COL5A1: variants seen among roughly 807,000 people sequenced by gnomAD.
The protein encoded by COL5A1 is collagen type V alpha 1 chain.
A neutral mutation model predicts 263.7 loss-of-function variants in COL5A1; 16 were observed. The observed-to-expected ratio is 0.06, with a 90% confidence interval of 0.04 to 0.09. COL5A1 has a LOEUF of 0.09. Ranked by LOEUF, COL5A1 falls within the 10% of genes least tolerant of loss-of-function variation. The pLI, the probability that COL5A1 is intolerant of heterozygous loss-of-function variation, is 1.00. For missense variants in COL5A1, 2,036 were observed against 2,540.5 expected, an observed-to-expected ratio of 0.80 and a Z score of 4.27; for synonymous variants, 1,012 against 1,004.5, an observed-to-expected ratio of 1.01 and a Z score of -0.14.
chr9:134,760,184 CA>C (rs1836281087), intron 18 of COL5A1, among the ~76,000 whole-genome samples: 1 of 102,746 alleles, frequency 9.7e-6, no homozygotes, highest in African/African-American at 5.6e-5. Flanking sequence ...CACACACATA[CA>C]CCCCCACACC....
chr9:134,698,429 T>TGG (rs5901050), intron 2 of COL5A1, among the ~76,000 whole-genome samples: 4,327 of 152,352 alleles, frequency 0.028, 222 homozygotes, highest in African/African-American at 0.099. Flanking sequence ...ACGCAGGCTC[T>TGG]GGGTTGGCCT....
In COL5A1 at chr9:134,678,255, G is replaced by T. The variant is rs142172315; in HGVS notation, c.110-12657G>T. The stretch of plus-strand genomic sequence containing the variant: ...GGGCAGCTTGCTCTACCTCTCTCAC[G>T]CTGAGTTTCCTCATGTACCAGTGAA... On this transcript the variant is annotated intron_variant, in intron 1 of 65. Coordinates refer to ENST00000371817, the MANE Select transcript of COL5A1 (RefSeq NM_000093.5). The surrounding 1 kb of genome is among the most constrained non-coding windows in gnomAD (Gnocchi z 5.5). Among the ~76,000 whole-genome samples the T allele has an allele frequency of 6.6e-6, 1 of 152,162 alleles. No homozygotes were observed. The highest frequency in any genetic ancestry group is 2.1e-4 in the South Asian group (1 of 4,834).
chr9:134,691,119 T>C lies in COL5A1; in HGVS notation c.277+40T>C, dbSNP rs751365353. ...CTTCTGTTTGGGGCGGTGGGTCCCG[T>C]TGGCCCTCTGGCCTCCAGCCAGGAG... is the stretch of plus-strand genomic sequence containing the variant. On this transcript the variant is annotated intron_variant, in intron 2 of 65. Coordinates refer to ENST00000371817, the MANE Select transcript of COL5A1 (RefSeq NM_000093.5). 6 of 1,609,974 alleles carry C rather than the reference T, an allele frequency of 3.7e-6. No homozygotes were observed. In the South Asian group the frequency reaches 4.4e-5, roughly 12 times the overall value.
rs555440024 is a variant in COL5A1 at position 134,839,155 on chromosome 9, C to T, written c.5371-3002C>T. Among the ~76,000 whole-genome samples the T allele has an allele frequency of 8.5e-5, 13 of 152,320 alleles. No homozygotes were observed. The South Asian group carries it at 2.7e-3, about 32-fold the overall frequency. On this transcript the variant is annotated intron_variant, in intron 65 of 65. Coordinates refer to ENST00000371817, the MANE Select transcript of COL5A1 (RefSeq NM_000093.5). ...CAACGCGGGCATCGTTTGGCTGGGGCGCCTGATTGACGGGGCCGCTGAGCG... is the reference window on the plus strand; with the variant it reads ...CAACGCGGGCATCGTTTGGCTGGGGTGCCTGATTGACGGGGCCGCTGAGCG...
At chr9:134,744,855 A>G (rs996962507) in intron 11 of COL5A1, among the ~76,000 whole-genome samples, 1 of 152,042 alleles carries the variant, frequency 6.6e-6, no homozygotes, top group Non-Finnish European at 1.5e-5. Context: ...ACACATGCAC[A>G]CACATTTACA....
intron 1 of COL5A1, among the ~76,000 whole-genome samples, chr9:134,656,291 T>C (rs970385801): frequency 3.9e-5 from 6 of 152,170 alleles, no homozygotes; most frequent in Admixed American, 1.3e-4. Context: ...TCCAGCCCTC[T>C]GTCCTTCTGC....
At chr9:134,701,058 C>T (rs1000040882) in intron 3 of COL5A1, 113 bp from the exon 4 acceptor site, 1 of 1,110,756 alleles carries the variant, frequency 9.0e-7, no homozygotes, top group African/African-American at 1.5e-5. Context: ...TCCGCCCCAC[C>T]ACGATCGTGC....
intron 52 of COL5A1, 104 bp from the exon 53 acceptor site, chr9:134,816,922 A>C: frequency 9.6e-7 from 1 of 1,045,260 alleles, no homozygotes; most frequent in South Asian, 1.3e-5. Flanking sequence ...AGGCGGCCGC[A>C]GGGCTGGCCG....
chr9:134,822,917 C>T, intron 59 of COL5A1, 81 bp from the exon 60 acceptor site: 2 of 1,540,402 alleles, frequency 1.3e-6, no homozygotes, highest in Non-Finnish European at 9.0e-7. Context: ...AGGGGCGAGA[C>T]CAGGCTGGGC....
chr9:134,810,358 T>G, intron 44 of COL5A1, 50 bp downstream of exon 44: 6 of 1,570,838 alleles, frequency 3.8e-6, no homozygotes, highest in Non-Finnish European at 5.3e-6. Flanking sequence ...CCGGGGGGCC[T>G]CGTCGCAGGC....
rs900270415 is a variant in COL5A1, at chr9:134,758,198, G to C, written c.1882-45G>C. On this transcript the variant is annotated intron_variant, in intron 17 of 65. Transcript: ENST00000371817. This position sits in a 1 kb window ranked among gnomAD's most constrained non-coding sequence, Gnocchi z 4.1. ...GTGGACACCAAGGCGGGGTGTCCAC[G>C]TGTGCAGGGTGGCGTCTGAGGCAGC... 1 of 1,609,388 alleles carries C rather than the reference G, an allele frequency of 6.2e-7. No individual in the cohort carries two copies. The highest frequency in any genetic ancestry group is 1.7e-5 in the Admixed American group (1 of 60,012).
chr9:134,663,486 G>T (rs1832270178), intron 1 of COL5A1, among the ~76,000 whole-genome samples: 1 of 152,168 alleles, frequency 6.6e-6, no homozygotes, highest in African/African-American at 2.4e-5. Context: ...GCACTTGAGG[G>T]GGGAGGATAA....
chr9:134,738,137 C>A (rs935805569), intron 9 of COL5A1, among the ~76,000 whole-genome samples: 1 of 152,166 alleles, frequency 6.6e-6, no homozygotes, highest in Non-Finnish European at 1.5e-5. Context: ...ACCTGCCTGG[C>A]ACTCCCCTTT....
At position 134,765,061 on chromosome 9, in the gene COL5A1, G is replaced by A. The variant is rs759371583; in HGVS notation, c.2035-620G>A. Reference sequence around the variant, plus strand: ...TCTCCCGGAATCTCACTCCACCTGCGGTAAAGGGGAGGTTCTGCACGAGCC... The same window carrying A: ...TCTCCCGGAATCTCACTCCACCTGCAGTAAAGGGGAGGTTCTGCACGAGCC... On this transcript the variant is annotated intron_variant, in intron 20 of 65. Transcript: ENST00000371817. This position sits in a 1 kb window ranked among gnomAD's most constrained non-coding sequence, Gnocchi z 5.1. Among the ~76,000 whole-genome samples the A allele has an allele frequency of 2.4e-4, 36 of 151,976 alleles. No individual in the cohort carries two copies. Among genetic ancestry groups the A allele is most frequent in the East Asian group, 9.7e-4 (5 of 5,150 alleles).
At chr9:134,673,747 T>G (rs1396223954) in intron 1 of COL5A1, among the ~76,000 whole-genome samples, 1 of 152,188 alleles carries the variant, frequency 6.6e-6, no homozygotes, top group Non-Finnish European at 1.5e-5. Flanking sequence ...CACCTTATAC[T>G]TTTCAAAAGA....
At chr9:134,801,914 C>T (rs1423308296) in intron 37 of COL5A1, 40 bp from the exon 38 acceptor site, 2 of 1,584,968 alleles carry the variant, frequency 1.3e-6, no homozygotes, top group Admixed American at 1.7e-5. Context: ...GTGGCGCAGG[C>T]CACTGCAGCA....
Position 134,785,999 on chromosome 9 carries a change from A to G in COL5A1, c.2597A>G (p.Lys866Arg). 6.2e-7 allele frequency: 1 copy of G among 1,613,362 alleles called. No homozygotes were observed. Among genetic ancestry groups the G allele is most frequent in the Non-Finnish European group, 8.5e-7 (1 of 1,179,696 alleles). The change falls in exon 31 of 66, where the codon AAA becomes AGA. Residue 866 changes from lysine to arginine, a missense_variant. Lys to Arg is a conservative substitution (Grantham distance 26). Around this residue, in one of 3 missense-constraint regions of COL5A1, gnomAD observed 1,078 missense variants for 1,521.4 expected, o/e 0.71. Coordinates refer to ENST00000371817, the MANE Select transcript of COL5A1 (RefSeq NM_000093.5). ...TGCAACTCTTTCTTCCCCCAGGGAA[A>G]ACTCGGAGTCCCAGGGTTACCAGGG... ...GPLGPPGEKG[K>R]LGVPGLPGYP...
intron 29 of COL5A1, among the ~76,000 whole-genome samples, chr9:134,783,812 G>C (rs1837352144): frequency 6.6e-6 from 1 of 152,226 alleles, no homozygotes; most frequent in Non-Finnish European, 1.5e-5. Flanking sequence ...TGCTGCTAAA[G>C]GCACCCATTC....
intron 4 of COL5A1, among the ~76,000 whole-genome samples, chr9:134,711,930 C>T (rs1014659670): frequency 5.3e-5 from 8 of 151,954 alleles, no homozygotes; most frequent in African/African-American, 1.9e-4. Flanking sequence ...GACTCCTGGG[C>T]CTGTCTGTGA....
Sources: gnomAD v4.1 joint callset for allele counts (sites outside exome capture counted in the v4.1 genomes callset) on GRCh38, gnomAD v4.1.1 for gene constraint, gnomAD v4.1.1 regional missense constraint, Gnocchi (gnomAD v3.1) non-coding constraint, MANE v1.5 for transcripts, NCBI Gene and HGNC (gene_info 2026-07-23, HGNC 2026-07-21) for gene names.